TAF2: variants seen among roughly 807,000 people sequenced by gnomAD.
TAF2 encodes transcription initiation factor TFIID subunit 2.
In TAF2, 61 loss-of-function variants were observed where a neutral mutation model predicts 138.5. That is an observed-to-expected ratio of 0.44 (90% CI 0.36 to 0.54). The LOEUF is 0.54. TAF2 is among the 20% of genes least tolerant of loss of function. The pLI, the probability that TAF2 is intolerant of heterozygous loss-of-function variation, is 0.00. For missense variants in TAF2, 1,090 were observed against 1,427.9 expected, an observed-to-expected ratio of 0.76 and a Z score of 3.81; for synonymous variants, 475 against 469.9, an observed-to-expected ratio of 1.01 and a Z score of -0.14.
intron 2 of TAF2, among the ~76,000 whole-genome samples, chr8:119,826,643 T>C (rs1325638382): frequency 2.0e-5 from 3 of 151,720 alleles, no homozygotes; most frequent in Non-Finnish European, 2.9e-5. Context: ...CAGGCTGGAG[T>C]GCAGCAGTGC....
chr8:119,745,054 A>T, intron 23 of TAF2: 1 of 456,082 alleles, frequency 2.2e-6, no homozygotes, highest in Non-Finnish European at 4.4e-6. Flanking sequence ...AATATTCAAG[A>T]TCAAAATTAG....
rs778205035 is a variant in TAF2 at position 119,806,328 on chromosome 8, C to T, written c.373G>A (p.Glu125Lys). Residue 125 changes from glutamate to lysine, a missense_variant, in exon 4 of 26, where the codon GAA becomes AAA. Physicochemically the swap from Glu to Lys is moderately conservative, Grantham distance 56. This residue lies in a region of TAF2 where 504 missense variants were observed against 680.9 expected (regional missense o/e 0.74). Transcript: ENST00000378164. ...TCTGATGGAACCTTAATGCAAAGTT[C>T]TCCATTTCCTGCATCAGGGTCCACA... is the stretch of plus-strand genomic sequence containing the variant. ...SAVDPDAGNG[E>K]LCIKVPSELW... 7 of 1,613,932 alleles carry T rather than the reference C, an allele frequency of 4.3e-6. No individual in the cohort carries two copies. The highest frequency in any genetic ancestry group is 1.7e-6 in the Non-Finnish European group (2 of 1,179,998).
intron 14 of TAF2, among the ~76,000 whole-genome samples, chr8:119,787,454 G>C (rs760018282): frequency 5.3e-5 from 8 of 151,848 alleles, no homozygotes; most frequent in Non-Finnish European, 8.8e-5. Flanking sequence ...CTTCTCAAAA[G>C]AAGACATTTA....
Position 119,763,467 on chromosome 8 carries a change from C to A in TAF2, c.2365-859G>T, listed in dbSNP as rs147168482. ...ATTTAAGGCTGGGAGTGGTGGCTCA[C>A]GCCTGTAATCCCAGCACTTTGGGAG... On this transcript the variant is annotated intron_variant, in intron 18 of 25. Transcript: ENST00000378164. Among the ~76,000 whole-genome samples the A allele has an allele frequency of 9.2e-3, 1,395 of 152,288 alleles. 20 individuals are homozygous for A. The highest frequency in any genetic ancestry group is 0.032 in the African/African-American group (1,331 of 41,556).
chr8:119,817,519 C>T (rs10109951), intron 3 of TAF2, among the ~76,000 whole-genome samples: 41,323 of 152,114 alleles, frequency 0.27, 6,878 homozygotes, highest in Admixed American at 0.46. Flanking sequence ...ATTTAGAACA[C>T]TAAAAGTAAT....
intron 8 of TAF2, among the ~76,000 whole-genome samples, chr8:119,795,856 A>T (rs1823787406): frequency 6.6e-6 from 1 of 152,038 alleles, no homozygotes. Flanking sequence ...ACTGCTTTAC[A>T]GTCTTGCTTC....
intron 15 of TAF2, 61 bp downstream of exon 15, chr8:119,785,140 A>C (rs1822929791): frequency 2.1e-5 from 29 of 1,383,764 alleles, no homozygotes; most frequent in Admixed American, 3.4e-5. Context: ...TACGCATAAC[A>C]AAGTAGACAG....
chr8:119,808,329 T>A (rs1297855473), intron 3 of TAF2, among the ~76,000 whole-genome samples: 4 of 152,230 alleles, frequency 2.6e-5, no homozygotes, highest in African/African-American at 9.6e-5. Context: ...CCATTAAAGT[T>A]GTATCATGAG....
chr8:119,832,161 A>C (rs1826495807), intron 1 of TAF2, among the ~76,000 whole-genome samples: 1 of 151,922 alleles, frequency 6.6e-6, no homozygotes, highest in Non-Finnish European at 1.5e-5. Context: ...CGTCTTAAAA[A>C]TTAAAAAATT....
intron 17 of TAF2, 92 bp downstream of exon 17, chr8:119,780,961 G>A (rs1048440642): frequency 2.5e-5 from 31 of 1,232,834 alleles, no homozygotes; most frequent in African/African-American, 4.7e-5. Flanking sequence ...AAGAATGGAG[G>A]CAAAGAAAGT....
chr8:119,812,810 AC>A (rs869188648), intron 3 of TAF2, among the ~76,000 whole-genome samples: 27 of 220 alleles, frequency 0.12, no homozygotes, highest in East Asian at 0.4. Flanking sequence ...GTATACATAC[AC>A]CACACATACA....
intron 22 of TAF2, among the ~76,000 whole-genome samples, chr8:119,751,873 A>AAT (rs1371837710): frequency 1.3e-5 from 2 of 152,216 alleles, no homozygotes; most frequent in Non-Finnish European, 2.9e-5. Context: ...CATTAGTTTA[A>AAT]AAGCTGTCAT....
At chr8:119,741,230 A>G (rs920971047) in intron 25 of TAF2, among the ~76,000 whole-genome samples, 7 of 152,202 alleles carry the variant, frequency 4.6e-5, no homozygotes, top group African/African-American at 1.7e-4. Flanking sequence ...CACCGCTAAG[A>G]AAAACCAAAT....
chr8:119,737,539 C>T (rs1481699500), intron 25 of TAF2, among the ~76,000 whole-genome samples: 1 of 144,176 alleles, frequency 6.9e-6, no homozygotes. Context: ...GACAGAGTCT[C>T]ACTCTGTCGC....
chr8:119,747,020 A>G lies in TAF2; in HGVS notation c.2879-86T>C. 4 of 1,384,434 alleles carry G rather than the reference A, an allele frequency of 2.9e-6. No homozygotes were observed. The South Asian group carries it at 4.9e-5, about 17-fold the overall frequency. The allele number at this position is 1,384,434 out of a possible 1,614,324, so 85.8% of individuals were successfully genotyped here. ...TCCCAGAACCTGAACAACAAAAGGA[A>G]CTTTATAACTGGAAAAACCTTTATC... On this transcript the variant is annotated intron_variant, in intron 22 of 25. Coordinates refer to ENST00000378164, the MANE Select transcript of TAF2 (RefSeq NM_003184.4).
chr8:119,778,306 A>C (rs529759054), intron 17 of TAF2, among the ~76,000 whole-genome samples, 177 bp from the exon 18 acceptor site: 2 of 152,292 alleles, frequency 1.3e-5, no homozygotes, highest in Non-Finnish European at 2.9e-5. Flanking sequence ...GCATTCTAAC[A>C]TAAGAGAAGA....
chr8:119,830,981 C>T (rs1027393127), intron 2 of TAF2, among the ~76,000 whole-genome samples: 3 of 152,060 alleles, frequency 2.0e-5, no homozygotes, highest in Non-Finnish European at 4.4e-5. Flanking sequence ...GTCATGCACA[C>T]CTGTAATTCA....
At chr8:119,823,439 G>T (rs1371338123) in intron 2 of TAF2, among the ~76,000 whole-genome samples, 1 of 152,158 alleles carries the variant, frequency 6.6e-6, no homozygotes, top group African/African-American at 2.4e-5. Flanking sequence ...TAAATCTCAT[G>T]AAATCTGATG....
intron 21 of TAF2, 79 bp from the exon 22 acceptor site, chr8:119,756,194 AAAAATT>A: frequency 1.1e-6 from 1 of 942,916 alleles, no homozygotes. Flanking sequence ...ATAAACACTG[AAAAATT>A]ATCTGTAGTT....
Sources: gnomAD v4.1 joint callset for allele counts (sites outside exome capture counted in the v4.1 genomes callset) on GRCh38, gnomAD v4.1.1 for gene constraint, gnomAD v4.1.1 regional missense constraint, MANE v1.5 for transcripts, NCBI Gene and HGNC (gene_info 2026-07-23, HGNC 2026-07-21) for gene names.